The following NRG1 variants were observed in gnomAD, a reference collection of about 807,000 sequenced individuals.
The protein encoded by NRG1 is pro-neuregulin-1, membrane-bound isoform.
Under a neutral mutation model 63.8 loss-of-function variants are expected in NRG1, and 18 were observed. The ratio of observed to expected loss-of-function variants is 0.28; its 90% confidence interval spans 0.19 to 0.42. NRG1 has a LOEUF of 0.42. NRG1 is among the 10% of genes least tolerant of loss of function. The probability of loss-of-function intolerance (pLI) is 1.00; values close to 1 mark genes in which losing one functional copy is unlikely to be tolerated. For synonymous variants in NRG1, 302 were observed against 301.3 expected, an observed-to-expected ratio of 1.00 and a Z score of -0.02; for missense variants, 762 against 814.7, an observed-to-expected ratio of 0.94 and a Z score of 0.79.
At chr8:32,015,800 G>A (rs1815432586) in intron 1 of NRG1, among the ~76,000 whole-genome samples, 1 of 151,214 alleles carries the variant, frequency 6.6e-6, no homozygotes, top group Non-Finnish European at 1.5e-5. Context: ...AAGCCTAACG[G>A]AATCTGGCTG....
At chr8:32,728,236 C>T (rs1479195672) in intron 6 of NRG1, 158 bp downstream of exon 6, 6 of 985,244 alleles carry the variant, frequency 6.1e-6, no homozygotes, top group Middle Eastern at 5.2e-4. Flanking sequence ...TCACACCATT[C>T]GTCATCACTC....
intron 1 of NRG1, among the ~76,000 whole-genome samples, chr8:31,776,784 C>T (rs889749418): frequency 7.2e-5 from 11 of 151,958 alleles, no homozygotes; most frequent in African/African-American, 2.2e-4. Flanking sequence ...TGGGAACATG[C>T]GGTGTTTGGT....
chr8:32,173,906 C>G (rs1840378452), intron 1 of NRG1, among the ~76,000 whole-genome samples: 1 of 152,166 alleles, frequency 6.6e-6, no homozygotes, highest in Admixed American at 6.5e-5. Context: ...CTTTAACACT[C>G]CACTGTCAAC....
intron 1 of NRG1, among the ~76,000 whole-genome samples, chr8:31,970,287 T>A (rs1324261053): frequency 2.6e-5 from 4 of 152,228 alleles, no homozygotes; most frequent in Admixed American, 2.6e-4. Flanking sequence ...ATCTCTTTGG[T>A]ATGTGGTTCT....
chr8:32,395,018 G>C (rs10101959), intron 1 of NRG1, among the ~76,000 whole-genome samples: 40,845 of 151,978 alleles, frequency 0.27, 5,763 homozygotes, highest in Middle Eastern at 0.33. Context: ...GTCACTCTCA[G>C]CAAAAGAGAA....
chr8:32,273,979 G>A (rs1851817293), intron 1 of NRG1, among the ~76,000 whole-genome samples: 1 of 152,168 alleles, frequency 6.6e-6, no homozygotes, highest in Non-Finnish European at 1.5e-5. Flanking sequence ...CAAAACTGAG[G>A]AGTTAATGTC....
intron 1 of NRG1, among the ~76,000 whole-genome samples, chr8:31,967,539 C>T (rs1217649185): frequency 1.3e-5 from 2 of 152,070 alleles, no homozygotes; most frequent in African/African-American, 4.8e-5. Flanking sequence ...AGGAAAGAGC[C>T]CTGGATAAGT....
At chr8:32,055,817 G>GTGTTTTCCTTGGTGA (rs772615689) in intron 1 of NRG1, among the ~76,000 whole-genome samples, 1 of 152,080 alleles carries the variant, frequency 6.6e-6, no homozygotes, top group Non-Finnish European at 1.5e-5. Flanking sequence ...CCCCTTGGTG[G>GTGTTTTCCTTGGTGA]TGTTTTCCTT....
At chr8:32,544,626 C>T (rs1014847547), upstream of NRG1, among the ~76,000 whole-genome samples, 2 of 151,282 alleles carry the variant, frequency 1.3e-5, no homozygotes, top group Non-Finnish European at 2.9e-5. Context: ...ACCTCAACCT[C>T]CCAGTAGCTG....
intron 1 of NRG1, among the ~76,000 whole-genome samples, chr8:31,795,638 C>T (rs1821131207): frequency 6.6e-6 from 1 of 152,036 alleles, no homozygotes; most frequent in Non-Finnish European, 1.5e-5. Flanking sequence ...ATTTCTAATA[C>T]TTGTTATTTG....
chr8:31,848,985 G>A (rs1448655332), intron 1 of NRG1, among the ~76,000 whole-genome samples: 2 of 152,194 alleles, frequency 1.3e-5, no homozygotes, highest in African/African-American at 2.4e-5. Context: ...CCACGAAACA[G>A]ATCCCTATGC....
chr8:31,946,385 G>A (rs1271132353), intron 1 of NRG1, among the ~76,000 whole-genome samples: 1 of 152,148 alleles, frequency 6.6e-6, no homozygotes, highest in Non-Finnish European at 1.5e-5. Flanking sequence ...ACACCATAAT[G>A]TGTATGGAAG....
At chr8:32,470,863 T>G (rs1823760389) in intron 1 of NRG1, among the ~76,000 whole-genome samples, 1 of 152,134 alleles carries the variant, frequency 6.6e-6, no homozygotes, top group African/African-American at 2.4e-5. Context: ...AGTGGCATGA[T>G]GATGGCTCAC....
intron 1 of NRG1, among the ~76,000 whole-genome samples, chr8:32,503,054 G>A (rs964310468): frequency 2.0e-4 from 30 of 152,012 alleles, no homozygotes; most frequent in Non-Finnish European, 2.9e-4. Context: ...GGGAGGCTGA[G>A]ATGGGCGGAT....
chr8:31,841,407 C>T (rs1826190499), intron 1 of NRG1, among the ~76,000 whole-genome samples: 1 of 152,108 alleles, frequency 6.6e-6, no homozygotes, highest in Non-Finnish European at 1.5e-5. Flanking sequence ...AGAATTTAGA[C>T]TTTCCCCTGT....
At chr8:31,769,215 T>C (rs955588024) in intron 1 of NRG1, among the ~76,000 whole-genome samples, 3 of 152,244 alleles carry the variant, frequency 2.0e-5, no homozygotes, top group Non-Finnish European at 2.9e-5. Flanking sequence ...ACATGGGTTT[T>C]TAATGGCTTG....
intron 1 of NRG1, among the ~76,000 whole-genome samples, chr8:31,974,762 T>C (rs955122154): frequency 2.0e-5 from 3 of 152,214 alleles, no homozygotes; most frequent in African/African-American, 7.2e-5. Context: ...AATGAACAAA[T>C]GTTCCTTAAA....
chr8:31,851,624 A>C (rs940385974), intron 1 of NRG1, among the ~76,000 whole-genome samples: 2 of 152,052 alleles, frequency 1.3e-5, no homozygotes, highest in African/African-American at 4.8e-5. Flanking sequence ...TATTATTATT[A>C]TACTTTAAGT....
At chr8:32,002,946 C>T (rs1813181225) in intron 1 of NRG1, among the ~76,000 whole-genome samples, 1 of 152,008 alleles carries the variant, frequency 6.6e-6, no homozygotes, top group Admixed American at 6.6e-5. Context: ...TTCTACCTTC[C>T]TCTATCCATT....
Sources: gnomAD v4.1 joint callset for allele counts (sites outside exome capture counted in the v4.1 genomes callset) on GRCh38, gnomAD v4.1.1 for gene constraint, MANE v1.5 for transcripts, NCBI Gene and HGNC (gene_info 2026-07-23, HGNC 2026-07-21) for gene names.